The following TMEM132E variants were observed in gnomAD, a reference collection of about 807,000 sequenced individuals.
TMEM132E encodes transmembrane protein 132E.
In TMEM132E, 49 loss-of-function variants were observed where a neutral mutation model predicts 78.5. That is an observed-to-expected ratio of 0.62 (90% CI 0.50 to 0.79). The LOEUF is 0.79. Among genes scored for constraint, TMEM132E ranks in the 30% least tolerant of loss-of-function variants. The probability of loss-of-function intolerance (pLI) is 0.00; values close to 1 mark genes in which losing one functional copy is unlikely to be tolerated. For synonymous variants in TMEM132E, 715 were observed against 670.6 expected (o/e 1.07, Z -1.02); for missense variants, 1,403 against 1,470.9 (o/e 0.95, Z 0.75).
At chr17:34,613,217 G>GCGCGCGCGCA (rs1906666362) in intron 1 of TMEM132E, among the ~76,000 whole-genome samples, 2 of 136,996 alleles carry the variant, frequency 1.5e-5, no homozygotes, top group South Asian at 4.6e-4. Context: ...ACACACGCGC[G>GCGCGCGCGCA]CGCGCGCGCG....
chr17:34,592,902 G>A (rs766357310), intron 1 of TMEM132E, among the ~76,000 whole-genome samples: 4 of 152,194 alleles, frequency 2.6e-5, no homozygotes, highest in Non-Finnish European at 2.9e-5. Flanking sequence ...CAAGCCCTGT[G>A]ATAAACCCTT....
At chr17:34,634,658 A>T in intron 6 of TMEM132E, 141 bp from the exon 7 acceptor site, 1 of 975,704 alleles carries the variant, frequency 1.0e-6, no homozygotes. Flanking sequence ...TAGAGATGGA[A>T]GGCATGAGCC....
intron 1 of TMEM132E, among the ~76,000 whole-genome samples, chr17:34,616,428 A>T (rs1210756559): frequency 6.6e-6 from 1 of 152,092 alleles, no homozygotes; most frequent in Non-Finnish European, 1.5e-5. Flanking sequence ...TCTTCCTCCC[A>T]CCCACCCACT....
At chr17:34,596,996 C>G (rs146533914) in intron 1 of TMEM132E, among the ~76,000 whole-genome samples, 1 of 152,244 alleles carries the variant, frequency 6.6e-6, no homozygotes, top group East Asian at 1.9e-4. Flanking sequence ...CGCAGCCCCT[C>G]TGCTCCAAAG....
At chr17:34,635,147 G>A in intron 7 of TMEM132E, 60 bp downstream of exon 7, 2 of 1,493,940 alleles carry the variant, frequency 1.3e-6, no homozygotes, top group Non-Finnish European at 1.8e-6. Context: ...TTTACCTGTG[G>A]GTGCAGAACT....
chr17:34,621,557 C>T (rs1463174170), intron 1 of TMEM132E, among the ~76,000 whole-genome samples: 1 of 152,172 alleles, frequency 6.6e-6, no homozygotes, highest in East Asian at 1.9e-4. Context: ...CATCATAAGT[C>T]AGAGGAGACA....
chr17:34,617,693 CAG>C (rs1906827290), intron 1 of TMEM132E, among the ~76,000 whole-genome samples: 1 of 152,172 alleles, frequency 6.6e-6, no homozygotes, highest in Admixed American at 6.5e-5. Flanking sequence ...ACAGCTATGT[CAG>C]AGCTGAAATT....
chr17:34,626,269 C>G lies in TMEM132E; in HGVS notation c.210C>G (p.Asn70Lys), dbSNP rs1268230814. 6.2e-7 allele frequency: 1 copy of G among 1,606,816 alleles called. No homozygotes were observed. The highest frequency in any genetic ancestry group is 8.5e-7 in the Non-Finnish European group (1 of 1,177,098). ...EARPPSPAVA[N>K]SSLQRSEPFV... ...GGCCCCCGTCACCCGCGGTCGCCAA[C>G]AGCTCTCTGCAGCGCTCCGAGCCCT... is the stretch of plus-strand genomic sequence containing the variant. The change falls in exon 2 of 9, where the codon AAC becomes AAG. Residue 70 changes from asparagine (N) to lysine (K), a missense_variant. Physicochemically the swap from Asn to Lys is moderately conservative, Grantham distance 94. Coordinates refer to ENST00000631683, the MANE Select transcript of TMEM132E (RefSeq NM_001304438.2).
Position 34,634,840 on chromosome 17 carries a change from A to G in TMEM132E, c.1730A>G (p.Glu577Gly). 1 of 1,613,684 alleles carries G rather than the reference A, an allele frequency of 6.2e-7. No homozygotes were observed. The highest frequency in any genetic ancestry group is 8.5e-7 in the Non-Finnish European group (1 of 1,179,936). Residue 577 changes from glutamate to glycine, a missense_variant, in exon 7 of 9, where the codon GAG becomes GGG. Coordinates refer to ENST00000631683, the MANE Select transcript of TMEM132E (RefSeq NM_001304438.2). Reference sequence around the variant, plus strand: ...GAGGATGAGGATGAGGAGGAGGAGGAGCGGCGGCAGAGTGCAAGCCGTGGC... The same window carrying G: ...GAGGATGAGGATGAGGAGGAGGAGGGGCGGCGGCAGAGTGCAAGCCGTGGC... Reference protein sequence around the residue: ...ESEDEDEEEEERRQSASRGCT... With the variant: ...ESEDEDEEEEGRRQSASRGCT...
intron 1 of TMEM132E, among the ~76,000 whole-genome samples, chr17:34,612,831 C>A (rs193154898): frequency 2.6e-5 from 4 of 152,166 alleles, no homozygotes; most frequent in Non-Finnish European, 4.4e-5. Context: ...TTTGGGGAAG[C>A]CTTTCAGCCT....
chr17:34,604,417 C>G (rs1160995974), intron 1 of TMEM132E, among the ~76,000 whole-genome samples: 1 of 152,214 alleles, frequency 6.6e-6, no homozygotes, highest in Non-Finnish European at 1.5e-5. Context: ...CGGCATCCAT[C>G]CACATTTGAT....
chr17:34,585,425 A>C (rs1044508791), intron 1 of TMEM132E, among the ~76,000 whole-genome samples: 4 of 152,142 alleles, frequency 2.6e-5, no homozygotes, highest in African/African-American at 9.7e-5. Context: ...TGGCCCACCT[A>C]CCTGGAGCAG....
chr17:34,624,138 T>C (rs988004099), intron 1 of TMEM132E, among the ~76,000 whole-genome samples: 3 of 152,256 alleles, frequency 2.0e-5, no homozygotes, highest in African/African-American at 4.8e-5. Context: ...GGAAGATTAC[T>C]GCAGATTTTA....
rs761371213 is a variant in TMEM132E, at chr17:34,637,551, G to A, written c.2544G>A (p.Ala848=). The A allele has an allele frequency of 6.3e-7, 1 of 1,599,444 alleles. No homozygotes were observed. Among genetic ancestry groups the A allele is most frequent in the South Asian group, 1.1e-5 (1 of 90,194 alleles). The change falls in exon 9 of 9, where the codon GCG becomes GCA. Residue 848 remains alanine (A), a synonymous_variant. Coordinates refer to ENST00000631683, the MANE Select transcript of TMEM132E (RefSeq NM_001304438.2). ...EARGAGPPGS[A]LPAPEAPGPG... Reference sequence around the variant, plus strand: ...GGGGAGCTGGCCCGCCGGGCTCTGCGCTACCCGCACCGGAGGCTCCAGGCC... The same window carrying A: ...GGGGAGCTGGCCCGCCGGGCTCTGCACTACCCGCACCGGAGGCTCCAGGCC...
At position 34,610,888 on chromosome 17, in the gene TMEM132E, CA is replaced by C. The variant is rs556148261; in HGVS notation, c.68-15236del. Among the ~76,000 whole-genome samples, 16 of 152,212 alleles carry C rather than the reference CA, an allele frequency of 1.1e-4. No homozygotes were observed. The East Asian group carries it at 2.9e-3, about 28-fold the overall frequency. On this transcript the variant is annotated intron_variant, in intron 1 of 8. Transcript: ENST00000631683. ...ACTGTGGTGCTATTCATTTTTATAC[CA>C]AATATGGATGTTCTCAGAACTGTCA...
chr17:34,606,283 G>A (rs1443880757), intron 1 of TMEM132E, among the ~76,000 whole-genome samples: 1 of 152,188 alleles, frequency 6.6e-6, no homozygotes, highest in Non-Finnish European at 1.5e-5. Flanking sequence ...GGAGGCAGAG[G>A]CTGCAGTGAG....
intron 5 of TMEM132E, 89 bp from the exon 6 acceptor site, chr17:34,632,615 C>A: frequency 7.1e-7 from 1 of 1,417,448 alleles, no homozygotes; most frequent in Admixed American, 1.7e-5. Context: ...ACTTTCCCTC[C>A]AGCCCTGGTT....
Position 34,637,504 on chromosome 17 carries a change from G to C in TMEM132E, c.2497G>C (p.Gly833Arg), listed in dbSNP as rs372591686. ...CCCGGGCCCCAGCCAACCAGGGCCC[G>C]GCGGGGGCGAGGACGAGGCCCGGGG... ...DYPGPSQPGPGGGEDEARGAG... is the reference protein window; with the variant it reads ...DYPGPSQPGPRGGEDEARGAG... The change falls in exon 9 of 9, where the codon GGC (glycine) becomes CGC (arginine). Residue 833 changes from glycine (G) to arginine (R), a missense_variant. Transcript: ENST00000631683. 8.1e-6 allele frequency: 13 copies of C among 1,606,530 alleles called. No individual in the cohort carries two copies. Among genetic ancestry groups the C allele is most frequent in the Non-Finnish European group, 1.1e-5 (13 of 1,177,134 alleles).
rs769778741 is a variant in TMEM132E at position 34,638,185 on chromosome 17, C to T, written c.3178C>T (p.Pro1060Ser). Residue 1060 changes from proline to serine, a missense_variant, in exon 9 of 9, where the codon CCC becomes TCC. Physicochemically the swap from Pro to Ser is moderately conservative, Grantham distance 74. Around this residue, in one of 3 missense-constraint regions of TMEM132E, gnomAD observed 888 missense variants for 952.8 expected, o/e 0.93. Transcript: ENST00000631683. Reference protein sequence around the residue: ...DVAGPTRPTAPPDLHNYMRRI... With the variant: ...DVAGPTRPTASPDLHNYMRRI... ...GGCGGGCCCCACGCGGCCCACTGCA[C>T]CCCCGGACCTGCACAATTACATGCG... The T allele has an allele frequency of 2.5e-6, 4 of 1,605,556 alleles. No homozygotes were observed. The highest frequency in any genetic ancestry group is 2.7e-5 in the African/African-American group (2 of 74,768).
Sources: gnomAD v4.1 joint callset for allele counts (sites outside exome capture counted in the v4.1 genomes callset) on GRCh38, gnomAD v4.1.1 for gene constraint, gnomAD v4.1.1 regional missense constraint, MANE v1.5 for transcripts, NCBI Gene and HGNC (gene_info 2026-07-23, HGNC 2026-07-21) for gene names.